Variants in ABCB4 observed in about 807,000 individuals in gnomAD.
The protein encoded by ABCB4 is ATP binding cassette subfamily B member 4, also known as phosphatidylcholine translocator ABCB4.
Under a neutral mutation model 145.7 loss-of-function variants are expected in ABCB4, and 76 were observed. The observed-to-expected ratio is 0.52, with a 90% CI of 0.43 to 0.63. ABCB4 has a LOEUF of 0.63. ABCB4 is among the 30% of genes least tolerant of loss of function. The pLI is 0.00. For missense variants in ABCB4, 1,234 were observed against 1,553.1 expected (o/e 0.79, Z 3.45); for synonymous variants, 517 against 566.8 (o/e 0.91, Z 1.25).
chr7:87,368,115 C>T, the ABCB4 span, among the ~76,000 whole-genome samples: 1 of 152,154 alleles, frequency 6.6e-6, no homozygotes, highest in African/African-American at 2.4e-5. Context: ...CCTTGTTTTC[C>T]TTTAAGCAGA....
the ABCB4 span, among the ~76,000 whole-genome samples, chr7:87,368,941 T>G: frequency 1.3e-5 from 2 of 152,250 alleles, no homozygotes; most frequent in Non-Finnish European, 2.9e-5. Context: ...AATTATTTTA[T>G]TGAGTTATCA....
At chr7:87,440,054 C>G in intron 13 of ABCB4, 145 bp downstream of exon 13, 3 of 1,134,666 alleles carry the variant, frequency 2.6e-6, no homozygotes, top group South Asian at 2.7e-5. Flanking sequence ...CCTTTAACCC[C>G]TAACTGAGTC....
the ABCB4 span, among the ~76,000 whole-genome samples, chr7:87,373,958 T>C: frequency 5.3e-5 from 8 of 152,198 alleles, no homozygotes; most frequent in South Asian, 1.7e-3. Flanking sequence ...TGAGGAAAAT[T>C]AGACTTAAAT....
chr7:87,447,257 G>T lies in ABCB4; in HGVS notation c.834-52C>A, dbSNP rs768617697. On this transcript the variant is annotated intron_variant, in intron 8 of 27. Transcript: ENST00000649586. The stretch of plus-strand genomic sequence containing the variant: ...TTATAATTAAGAATAACAATCCATA[G>T]TCCGAGTCACACTCGGCTCCTATAT... 213 of 1,567,532 alleles carry T rather than the reference G, an allele frequency of 1.4e-4. 1 individual carries two copies. Among genetic ancestry groups the T allele is most frequent in the Middle Eastern group, 3.6e-4 (2 of 5,600 alleles).
intron 4 of ABCB4, among the ~76,000 whole-genome samples, chr7:87,456,241 A>T (rs1008593178): frequency 6.6e-6 from 1 of 152,144 alleles, no homozygotes; most frequent in Admixed American, 6.5e-5. Flanking sequence ...CCTCTCTTTC[A>T]ACACCTACCT....
chr7:87,406,255 G>A, intron 26 of ABCB4, 33 bp downstream of exon 26: 1 of 1,602,256 alleles, frequency 6.2e-7, no homozygotes, highest in South Asian at 1.1e-5. Flanking sequence ...ATAAAAAGTA[G>A]TCTCTTCTGA....
chr7:87,420,777 A>C (rs1405980607), intron 18 of ABCB4, among the ~76,000 whole-genome samples: 1 of 152,212 alleles, frequency 6.6e-6, no homozygotes, highest in African/African-American at 2.4e-5. Flanking sequence ...AAAAATCTTA[A>C]AGGTGTCCAG....
intron 4 of ABCB4, among the ~76,000 whole-genome samples, chr7:87,462,113 A>C (rs1361384466): frequency 2.0e-5 from 3 of 152,150 alleles, no homozygotes; most frequent in South Asian, 4.1e-4. Flanking sequence ...AACCATGTCT[A>C]TTGGAGCCCC....
chr7:87,367,069 A>G, the ABCB4 span, among the ~76,000 whole-genome samples: 1 of 152,246 alleles, frequency 6.6e-6, no homozygotes, highest in African/African-American at 2.4e-5. Flanking sequence ...GGTCCCCCAT[A>G]GATGTCTACT....
intron 25 of ABCB4, among the ~76,000 whole-genome samples, chr7:87,406,868 T>C (rs1808237498): frequency 6.6e-6 from 1 of 152,172 alleles, no homozygotes; most frequent in South Asian, 2.1e-4. Context: ...TTGACTTGAT[T>C]TCCCCTTCCC....
At chr7:87,469,707 C>T (rs1429628063) in intron 3 of ABCB4, among the ~76,000 whole-genome samples, 29 of 146,448 alleles carry the variant, frequency 2.0e-4, no homozygotes, top group Admixed American at 2.7e-4. Flanking sequence ...CACTGCTCAA[C>T]GAAATAAAAG....
intron 3 of ABCB4, among the ~76,000 whole-genome samples, chr7:87,465,333 T>A (rs2116920120): frequency 6.6e-6 from 1 of 152,102 alleles, no homozygotes; most frequent in South Asian, 2.1e-4. Flanking sequence ...GGGGGAAGGG[T>A]GCCCTCCATA....
At position 87,417,530 on chromosome 7, in the gene ABCB4, G is replaced by C. The variant is rs199787777; in HGVS notation, c.2479-15C>G. ...GTTCCTGTGGCCTGGGAGAGAAAAA[G>C]CACAAAGCAACTGTAGTTTTAAGCT... On this transcript the variant is annotated splice_polypyrimidine_tract_variant and intron_variant, in intron 20 of 27. Transcript: ENST00000649586. 3.2e-5 allele frequency: 51 copies of C among 1,611,970 alleles called. No individual in the cohort carries two copies. Among genetic ancestry groups the C allele is most frequent in the Non-Finnish European group, 4.3e-5 (51 of 1,178,196 alleles).
At chr7:87,443,248 G>A (rs1811100253) in intron 12 of ABCB4, 71 bp downstream of exon 12, 2 of 1,605,588 alleles carry the variant, frequency 1.2e-6, no homozygotes, top group African/African-American at 2.7e-5. Flanking sequence ...ATTTGTTACT[G>A]AAAAACCAAT....
intron 2 of ABCB4, 96 bp from the exon 3 acceptor site, chr7:87,472,771 T>G (rs1178806275): frequency 3.8e-5 from 34 of 891,498 alleles, no homozygotes; most frequent in Non-Finnish European, 5.3e-6. Flanking sequence ...TCAACTATTA[T>G]ATTTTCAAAT....
intron 3 of ABCB4, among the ~76,000 whole-genome samples, chr7:87,463,164 G>T (rs1415675250): frequency 6.6e-6 from 1 of 151,408 alleles, no homozygotes; most frequent in African/African-American, 2.4e-5. Flanking sequence ...CAATCAAAAG[G>T]GATAAAGGTT....
At chr7:87,462,146 C>G (rs930058766) in intron 4 of ABCB4, among the ~76,000 whole-genome samples, 14 of 152,118 alleles carry the variant, frequency 9.2e-5, no homozygotes, top group Non-Finnish European at 1.5e-4. Context: ...TTGTCAGGGC[C>G]TCTCGTATTG....
Position 87,403,829 on chromosome 7 carries a change from T to C in ABCB4, c.3487-548A>G, listed in dbSNP as rs867803478. ...CTGTAGTAGTATACACAGCACACTA[T>C]GAAAGATCAGAAGAAGGAGATAGAA... On this transcript the variant is annotated intron_variant, in intron 26 of 27. Coordinates refer to ENST00000649586, the MANE Select transcript of ABCB4 (RefSeq NM_000443.4). 1.9e-4 allele frequency among the ~76,000 whole-genome samples: 29 copies of C among 152,134 alleles called. 1 individual carries two copies. Among genetic ancestry groups the C allele is most frequent in the African/African-American group, 6.5e-4 (27 of 41,498 alleles).
chr7:87,368,438 AAAG>A, the ABCB4 span, among the ~76,000 whole-genome samples: 2 of 152,194 alleles, frequency 1.3e-5, no homozygotes, highest in African/African-American at 2.4e-5. Context: ...GAAGGGGAAG[AAAG>A]AAGAAATGGT....
Sources: allele counts gnomAD v4.1 joint callset (sites outside exome capture counted in the v4.1 genomes callset), GRCh38; gene constraint gnomAD v4.1.1; transcripts MANE v1.5; gene names NCBI Gene and HGNC (gene_info 2026-07-23, HGNC 2026-07-21).